The following SLCO5A1 variants were observed in gnomAD, a reference collection of about 807,000 sequenced individuals.
The protein encoded by SLCO5A1 is organic anion transporter polypeptide-related protein 4.
SLCO5A1 carries 39 observed loss-of-function variants against 65.1 expected under a neutral mutation model. The observed-to-expected ratio is 0.60, with a 90% CI of 0.46 to 0.78. SLCO5A1 has a LOEUF of 0.78. SLCO5A1 is among the 30% of genes least tolerant of loss of function. The pLI, the probability that SLCO5A1 is intolerant of heterozygous loss-of-function variation, is 0.00. For synonymous variants in SLCO5A1, 438 were observed against 415.7 expected, an observed-to-expected ratio of 1.05 and a Z score of -0.65; for missense variants, 1,029 against 1,069.4, an observed-to-expected ratio of 0.96 and a Z score of 0.53.
At chr8:69,693,181 A>G (rs1328695230) in intron 6 of SLCO5A1, among the ~76,000 whole-genome samples, 4 of 152,238 alleles carry the variant, frequency 2.6e-5, no homozygotes, top group African/African-American at 7.2e-5. Context: ...GTGATGCATG[A>G]ACATACCACA....
At chr8:69,725,560 T>G (rs111784227) in intron 5 of SLCO5A1, among the ~76,000 whole-genome samples, 1 of 152,170 alleles carries the variant, frequency 6.6e-6, no homozygotes, top group African/African-American at 2.4e-5. Flanking sequence ...AGATAGTGAT[T>G]AACTTGAATG....
At chr8:69,702,224 C>G (rs1295680968) in intron 6 of SLCO5A1, among the ~76,000 whole-genome samples, 1 of 152,106 alleles carries the variant, frequency 6.6e-6, no homozygotes, top group Non-Finnish European at 1.5e-5. Flanking sequence ...CAAGAGCTAG[C>G]CTTCAGTGCC....
intron 6 of SLCO5A1, among the ~76,000 whole-genome samples, chr8:69,692,633 CT>C (rs143527865): frequency 2.7e-4 from 41 of 152,178 alleles, no homozygotes; most frequent in African/African-American, 9.6e-4. Flanking sequence ...AAACTGTTTT[CT>C]TTTTTTGCCG....
chr8:69,783,596 AT>A (rs1250028383), intron 2 of SLCO5A1, among the ~76,000 whole-genome samples: 11 of 151,550 alleles, frequency 7.3e-5, no homozygotes, highest in African/African-American at 2.4e-5. Flanking sequence ...GGTTAAGTGT[AT>A]TTTTTTTGTA....
intron 2 of SLCO5A1, among the ~76,000 whole-genome samples, chr8:69,807,397 T>C (rs1820039480): frequency 6.6e-6 from 1 of 152,210 alleles, no homozygotes; most frequent in Non-Finnish European, 1.5e-5. Flanking sequence ...AGATATACAA[T>C]ACATTATTAT....
chr8:69,738,339 T>A (rs1224168981), intron 4 of SLCO5A1, 135 bp from the exon 5 acceptor site: 1 of 783,936 alleles, frequency 1.3e-6, no homozygotes, highest in Non-Finnish European at 1.9e-6. Flanking sequence ...AATAGAAAGA[T>A]CTGATGACGA....
chr8:69,793,201 C>A (rs572307680), intron 2 of SLCO5A1, among the ~76,000 whole-genome samples: 27 of 152,104 alleles, frequency 1.8e-4, no homozygotes, highest in Non-Finnish European at 3.1e-4. Context: ...CCAGGCTGGT[C>A]TCACACTCCT....
At chr8:69,824,588 A>G (rs2130923577) in intron 2 of SLCO5A1, among the ~76,000 whole-genome samples, 1 of 152,334 alleles carries the variant, frequency 6.6e-6, no homozygotes, top group Non-Finnish European at 1.5e-5. Flanking sequence ...AAGAAGTTGA[A>G]TCTCTGAATA....
intron 6 of SLCO5A1, among the ~76,000 whole-genome samples, chr8:69,684,070 A>G (rs572274979): frequency 3.3e-5 from 5 of 152,362 alleles, no homozygotes; most frequent in African/African-American, 9.6e-5. Context: ...TGCAAAAGGC[A>G]AATAAATTCT....
chr8:69,702,400 G>A (rs1385523338), intron 6 of SLCO5A1, among the ~76,000 whole-genome samples: 1 of 152,112 alleles, frequency 6.6e-6, no homozygotes, highest in Non-Finnish European at 1.5e-5. Flanking sequence ...CCACTCCAGA[G>A]CCTGAGTTCT....
chr8:69,737,760 T>C (rs1278957797), intron 5 of SLCO5A1, among the ~76,000 whole-genome samples: 1 of 152,194 alleles, frequency 6.6e-6, no homozygotes, highest in Non-Finnish European at 1.5e-5. Flanking sequence ...AATTTGAATG[T>C]CATTGCCTAT....
intron 2 of SLCO5A1, among the ~76,000 whole-genome samples, chr8:69,811,711 C>T (rs561529969): frequency 9.2e-5 from 14 of 152,304 alleles, no homozygotes; most frequent in African/African-American, 2.4e-4. Context: ...TCTTCCTGAA[C>T]GGAATTAAAT....
chr8:69,714,573 C>G (rs988880522), intron 5 of SLCO5A1, among the ~76,000 whole-genome samples: 3 of 152,210 alleles, frequency 2.0e-5, no homozygotes, highest in Non-Finnish European at 4.4e-5. Flanking sequence ...ACTTCATCAG[C>G]CTCAGTTTCC....
chr8:69,725,362 C>T (rs894790133), intron 5 of SLCO5A1, among the ~76,000 whole-genome samples: 10 of 152,108 alleles, frequency 6.6e-5, no homozygotes, highest in Admixed American at 3.9e-4. Context: ...ATTTAAACAT[C>T]GAGCTACCTT....
intron 3 of SLCO5A1, among the ~76,000 whole-genome samples, chr8:69,756,282 G>A (rs1817539508): frequency 6.6e-6 from 1 of 152,158 alleles, no homozygotes; most frequent in African/African-American, 2.4e-5. Context: ...GTGGGCACCT[G>A]TAATCCCAGC....
At chr8:69,824,849 C>T (rs1289386924) in intron 2 of SLCO5A1, among the ~76,000 whole-genome samples, 1 of 152,190 alleles carries the variant, frequency 6.6e-6, no homozygotes, top group Non-Finnish European at 1.5e-5. Context: ...CACCAATATC[C>T]TTGATGAACA....
intron 3 of SLCO5A1, 68 bp downstream of exon 3, chr8:69,761,675 C>T: frequency 1.3e-6 from 2 of 1,547,202 alleles, no homozygotes; most frequent in Non-Finnish European, 1.7e-6. Flanking sequence ...ATTTTAAATA[C>T]AAGTGTACCA....
At chr8:69,818,311 T>C (rs1238122511) in intron 2 of SLCO5A1, among the ~76,000 whole-genome samples, 1 of 152,210 alleles carries the variant, frequency 6.6e-6, no homozygotes, top group Non-Finnish European at 1.5e-5. Context: ...GCCAAATATC[T>C]CTGGTCTTTC....
intron 5 of SLCO5A1, among the ~76,000 whole-genome samples, chr8:69,735,907 G>A (rs1354942939): frequency 6.6e-6 from 1 of 152,014 alleles, no homozygotes; most frequent in East Asian, 1.9e-4. Flanking sequence ...AATTTGACAG[G>A]CCCCCCTCTA....
Sources: allele counts gnomAD v4.1 joint callset (sites outside exome capture counted in the v4.1 genomes callset), GRCh38; gene constraint gnomAD v4.1.1; transcripts MANE v1.5; gene names NCBI Gene and HGNC (gene_info 2026-07-23, HGNC 2026-07-21).